Variants in FAM107B observed in about 807,000 individuals in gnomAD.
FAM107B encodes protein FAM107B.
FAM107B carries 21 observed loss-of-function variants against 31.5 expected under a neutral mutation model. That is an observed-to-expected ratio of 0.67 (90% CI 0.47 to 0.96). FAM107B has a LOEUF of 0.96. Among genes scored for constraint, FAM107B ranks in the 40% least tolerant of loss-of-function variants. The probability of loss-of-function intolerance (pLI) is 0.00; values close to 1 mark genes in which losing one functional copy is unlikely to be tolerated. For missense variants in FAM107B, 452 were observed against 377.1 expected (o/e 1.20, Z -1.64); for synonymous variants, 157 against 141.5 (o/e 1.11, Z -0.78).
At chr10:14,572,739 T>TTATATATATATATATATATA (rs61477094) in intron 2 of FAM107B, among the ~76,000 whole-genome samples, 1 of 91,988 alleles carries the variant, frequency 1.1e-5, no homozygotes, top group African/African-American at 3.8e-5. Context: ...AAAAAAAAAT[T>TTATATATATATATATATATA]TATATATATA....
intron 2 of FAM107B, among the ~76,000 whole-genome samples, chr10:14,640,713 A>T (rs565471039): frequency 5.9e-5 from 9 of 152,282 alleles, no homozygotes; most frequent in Admixed American, 1.3e-4. Flanking sequence ...GTGCACCTCA[A>T]CCCCTTAATT....
At position 14,560,268 on chromosome 10, in the gene FAM107B, A is replaced by C. The variant is rs557617422; in HGVS notation, c.470-29753T>G. Among the ~76,000 whole-genome samples, 8 of 152,210 alleles carry C rather than the reference A, an allele frequency of 5.3e-5. No individual in the cohort carries two copies. In the South Asian group the frequency reaches 1.7e-3, roughly 32 times the overall value. On this transcript the variant is annotated intron_variant, in intron 2 of 4. Coordinates refer to ENST00000181796, the MANE Select transcript of FAM107B (RefSeq NM_031453.4). ...AGTGCCCATCAAAGGCTTAGGAGATATAAAAGATGTACAAGAACAACTCCA... is the reference window on the plus strand; with the variant it reads ...AGTGCCCATCAAAGGCTTAGGAGATCTAAAAGATGTACAAGAACAACTCCA...
intron 2 of FAM107B, among the ~76,000 whole-genome samples, chr10:14,557,158 T>A (rs1318281949): frequency 6.6e-6 from 1 of 152,246 alleles, no homozygotes; most frequent in Non-Finnish European, 1.5e-5. Context: ...GGTCAGTCTC[T>A]GTCCTAAGCT....
rs1845697469 is a variant in FAM107B, at chr10:14,522,012, C to T, written c.661G>A (p.Ala221Thr). ...TGCAATTCTGGTTTGTTCTGAGGAG[C>T]AAGACCCCTGCGAAAGAGCATTAAC... ...ELLMNQKRGL[A>T]PQNKPELQKV... Residue 221 changes from alanine (A) to threonine (T), a missense_variant, in exon 4 of 5, where the codon GCT (alanine) becomes ACT (threonine). Transcript: ENST00000181796. 1 of 1,609,202 alleles carries T rather than the reference C, an allele frequency of 6.2e-7. No homozygotes were observed. The highest frequency in any genetic ancestry group is 8.5e-7 in the Non-Finnish European group (1 of 1,178,880).
At chr10:14,588,409 G>C (rs1012784692) in intron 2 of FAM107B, among the ~76,000 whole-genome samples, 14 of 152,196 alleles carry the variant, frequency 9.2e-5, no homozygotes, top group African/African-American at 3.4e-4. Flanking sequence ...TGTGGTATTT[G>C]ATGACAAATT....
intron 2 of FAM107B, among the ~76,000 whole-genome samples, chr10:14,634,229 T>C (rs1853438927): frequency 6.6e-6 from 1 of 151,448 alleles, no homozygotes; most frequent in African/African-American, 2.4e-5. Context: ...ACCCCGTCTC[T>C]ACTAAAATTA....
In FAM107B at chr10:14,733,455, C is replaced by T. The variant is rs150948378; in HGVS notation, c.411+40798G>A. ...AGTAGAAATGATATCCAGTAAGATA[C>T]GCTTGTTTTACCCATGATGATAAAC... On this transcript the variant is annotated intron_variant, in intron 1 of 4. Transcript: ENST00000181796. Among the ~76,000 whole-genome samples, 493 of 152,212 alleles carry T rather than the reference C, an allele frequency of 3.2e-3. 2 individuals carry two copies. Among genetic ancestry groups the T allele is most frequent in the African/African-American group, 0.011 (447 of 41,532 alleles).
At chr10:14,703,596 A>C (rs1374426689) in intron 1 of FAM107B, among the ~76,000 whole-genome samples, 1 of 152,086 alleles carries the variant, frequency 6.6e-6, no homozygotes, top group Non-Finnish European at 1.5e-5. Flanking sequence ...CGGCCTCCCA[A>C]AGTGCTAGGA....
chr10:14,555,295 C>T (rs531257015), intron 2 of FAM107B, among the ~76,000 whole-genome samples: 152 of 152,186 alleles, frequency 1.0e-3, no homozygotes, highest in African/African-American at 3.5e-3. Context: ...TGAAGTCATA[C>T]GATGTTTTTT....
In FAM107B at chr10:14,520,985, C is replaced by A; in HGVS notation, c.*205G>T. The stretch of plus-strand genomic sequence containing the variant: ...CCATCATTCCAACTTACGTGCGGGG[C>A]ACTGCCCTTCATTTGGCGAATAGGA... On this transcript the variant is annotated 3_prime_UTR_variant, in exon 5 of 5. Transcript: ENST00000181796. The A allele has an allele frequency of 1.9e-6, 1 of 523,624 alleles. No individual in the cohort carries two copies. The highest frequency in any genetic ancestry group is 3.4e-6 in the Non-Finnish European group (1 of 297,560). The allele number at this position is 523,624 out of a possible 1,614,324, so 32.4% of individuals were successfully genotyped here.
In FAM107B at chr10:14,665,471, G is replaced by A. The variant is rs78500681; in HGVS notation, c.469+2163C>T. ...CAACGTGTGTGAACAAATGTTCTCA[G>A]AACATAGTGGGCACTATGCCAAGAG... On this transcript the variant is annotated intron_variant, in intron 2 of 4. Coordinates refer to ENST00000181796, the MANE Select transcript of FAM107B (RefSeq NM_031453.4). Among the ~76,000 whole-genome samples, 906 of 152,334 alleles carry A rather than the reference G, an allele frequency of 5.9e-3. 27 individuals carry two copies. Among genetic ancestry groups the A allele is most frequent in the Admixed American group, 0.043 (653 of 15,302 alleles).
chr10:14,565,964 G>A (rs1350315672), intron 2 of FAM107B, among the ~76,000 whole-genome samples: 2 of 152,210 alleles, frequency 1.3e-5, no homozygotes, highest in Non-Finnish European at 2.9e-5. Context: ...CTCGCAGCAG[G>A]GCGGACCTAA....
chr10:14,732,754 T>G (rs975681267), intron 1 of FAM107B, among the ~76,000 whole-genome samples: 13 of 148,810 alleles, frequency 8.7e-5, no homozygotes, highest in Admixed American at 6.8e-4. Flanking sequence ...TTAATAACAT[T>G]GTTAAACATA....
intron 3 of FAM107B, chr10:14,528,168 G>GT: frequency 9.0e-6 from 1 of 111,478 alleles, no homozygotes; most frequent in Non-Finnish European, 1.7e-5. Context: ...TTTACTTTAA[G>GT]TTTTGGTTTT....
chr10:14,614,751 A>G (rs1023531110), intron 2 of FAM107B, among the ~76,000 whole-genome samples: 2 of 151,828 alleles, frequency 1.3e-5, no homozygotes, highest in African/African-American at 4.8e-5. Context: ...GGAGCTATGA[A>G]TGAAACCTGG....
At chr10:14,758,166 T>C (rs1041346876) in intron 1 of FAM107B, among the ~76,000 whole-genome samples, 1 of 152,236 alleles carries the variant, frequency 6.6e-6, no homozygotes, top group African/African-American at 2.4e-5. Flanking sequence ...GAATACGTCA[T>C]GGAAACTTCC....
chr10:14,697,069 G>A (rs1855283034), intron 1 of FAM107B, among the ~76,000 whole-genome samples: 1 of 152,154 alleles, frequency 6.6e-6, no homozygotes, highest in African/African-American at 2.4e-5. Flanking sequence ...GGAGGCACAG[G>A]GAGAAAGGTC....
chr10:14,610,456 A>G (rs1365715758), intron 2 of FAM107B, among the ~76,000 whole-genome samples: 1 of 152,270 alleles, frequency 6.6e-6, no homozygotes, highest in Non-Finnish European at 1.5e-5. Flanking sequence ...CAATTGTTGT[A>G]TGACGTTAAT....
intron 1 of FAM107B, 57 bp downstream of exon 1, chr10:14,774,196 T>C (rs1833367525): frequency 1.3e-6 from 2 of 1,547,108 alleles, no homozygotes; most frequent in Admixed American, 3.8e-5. Context: ...CGCCACATGA[T>C]CCCAACGCTC....
Sources: allele counts gnomAD v4.1 joint callset (sites outside exome capture counted in the v4.1 genomes callset), GRCh38; gene constraint gnomAD v4.1.1; transcripts MANE v1.5; gene names NCBI Gene and HGNC (gene_info 2026-07-23, HGNC 2026-07-21).